The following EPC1 variants were observed in gnomAD, a reference collection of about 807,000 sequenced individuals.
EPC1 encodes enhancer of polycomb homolog 1.
EPC1 carries 12 observed loss-of-function variants against 98.4 expected under a neutral mutation model. The observed-to-expected ratio is 0.12, with a 90% confidence interval of 0.08 to 0.20. The LOEUF is 0.20. EPC1 is among the 10% of genes least tolerant of loss of function. The pLI, the probability that EPC1 is intolerant of heterozygous loss-of-function variation, is 1.00. For missense variants in EPC1, 729 were observed against 990.5 expected (o/e 0.74, Z 3.54); for synonymous variants, 357 against 363.9 (o/e 0.98, Z 0.21).
At chr10:32,316,372 A>G (rs1314876848) in intron 1 of EPC1, among the ~76,000 whole-genome samples, 1 of 152,220 alleles carries the variant, frequency 6.6e-6, no homozygotes, top group African/African-American at 2.4e-5. Context: ...GTGAGTAAGA[A>G]TGTTCAAAGA....
intron 1 of EPC1, among the ~76,000 whole-genome samples, chr10:32,317,064 C>G (rs1476114490): frequency 1.3e-5 from 2 of 152,150 alleles, no homozygotes; most frequent in African/African-American, 4.8e-5. Context: ...TAAAATCTTG[C>G]TGAACCCCAG....
chr10:32,358,559 C>T (rs1205541740), intron 1 of EPC1, among the ~76,000 whole-genome samples: 1 of 145,036 alleles, frequency 6.9e-6, no homozygotes, highest in African/African-American at 2.6e-5. Context: ...GTGGGAGGAT[C>T]ACTTGAGCCT....
upstream of EPC1, among the ~76,000 whole-genome samples, chr10:32,350,993 C>G (rs1207138939): frequency 6.6e-6 from 1 of 152,174 alleles, no homozygotes; most frequent in Admixed American, 6.5e-5. Flanking sequence ...TTTATTCAGT[C>G]CATCCTTTAT....
chr10:32,291,968 T>C (rs1834876895), intron 5 of EPC1: 2 of 152,188 alleles, frequency 1.3e-5, no homozygotes, highest in Non-Finnish European at 2.9e-5. Flanking sequence ...TAAGGATCTT[T>C]CTGCTAATTA....
intron 1 of EPC1, among the ~76,000 whole-genome samples, chr10:32,318,435 C>T (rs1322362247): frequency 1.3e-5 from 2 of 152,150 alleles, no homozygotes; most frequent in East Asian, 3.8e-4. Context: ...TATATACGCA[C>T]CCTTGCAATT....
chr10:32,295,045 A>C (rs1396870711), intron 2 of EPC1, among the ~76,000 whole-genome samples: 1 of 152,148 alleles, frequency 6.6e-6, no homozygotes. Flanking sequence ...TCCCCACCCA[A>C]GAAGTGGTTC....
intron 1 of EPC1, among the ~76,000 whole-genome samples, chr10:32,316,555 A>C (rs2132877621): frequency 6.6e-6 from 1 of 152,346 alleles, no homozygotes; most frequent in South Asian, 2.1e-4. Flanking sequence ...TAGGGAGTAA[A>C]AATAGCTTCG....
chr10:32,270,872 TGG>T (rs901386459), intron 13 of EPC1, among the ~76,000 whole-genome samples: 1 of 142,040 alleles, frequency 7.0e-6, no homozygotes, highest in Non-Finnish European at 1.5e-5. Context: ...ATACCAGTGA[TGG>T]GGCAGGGGTT....
chr10:32,324,886 G>C (rs1837178649), intron 1 of EPC1, among the ~76,000 whole-genome samples: 1 of 152,060 alleles, frequency 6.6e-6, no homozygotes, highest in Non-Finnish European at 1.5e-5. Flanking sequence ...CCAGCCACTT[G>C]CGAGGCTGAG....
intron 1 of EPC1, among the ~76,000 whole-genome samples, chr10:32,321,189 G>A (rs1836889176): frequency 6.6e-6 from 1 of 152,018 alleles, no homozygotes; most frequent in South Asian, 2.1e-4. Flanking sequence ...AATTATATTG[G>A]AACATAGCCA....
chr10:32,341,938 C>G (rs1592619742), intron 1 of EPC1, among the ~76,000 whole-genome samples: 1 of 152,288 alleles, frequency 6.6e-6, no homozygotes, highest in Middle Eastern at 3.4e-3. Context: ...AAAATATATT[C>G]TAACATTTTA....
At chr10:32,358,957 G>C (rs774469047) in intron 1 of EPC1, among the ~76,000 whole-genome samples, 8 of 152,168 alleles carry the variant, frequency 5.3e-5, no homozygotes, top group Non-Finnish European at 8.8e-5. Flanking sequence ...TCCTCTTTAA[G>C]ATAGGTAGAG....
intron 1 of EPC1, among the ~76,000 whole-genome samples, chr10:32,311,340 G>A (rs1480403019): frequency 6.6e-6 from 1 of 151,580 alleles, no homozygotes; most frequent in Non-Finnish European, 1.5e-5. Context: ...AAAAGAACAA[G>A]AGAAAATACT....
chr10:32,352,869 T>C (rs537770669), intron 1 of EPC1, among the ~76,000 whole-genome samples: 1 of 152,076 alleles, frequency 6.6e-6, no homozygotes, highest in Non-Finnish European at 1.5e-5. Flanking sequence ...CCCTAGTATC[T>C]ATCTGGCCAG....
chr10:32,293,079 G>A lies in EPC1; in HGVS notation c.575C>T (p.Pro192Leu), dbSNP rs147035307. The change falls in exon 4 of 14, where the codon CCA becomes CTA. Residue 192 changes from proline to leucine, a missense_variant. By Grantham distance (98) the Pro-to-Leu change is moderately conservative. This residue lies in a region of EPC1 where 94 missense variants were observed against 125.1 expected (regional missense o/e 0.75). Coordinates refer to ENST00000319778, the MANE Select transcript of EPC1 (RefSeq NM_001272004.3). The part of the protein sequence containing the change: ...RKNCRGPSLI[P>L]SVKQEKRDGS... ...ATCTCGCTTCTCTTGTTTTACTGAT[G>A]GAATAAGAGATGGCCCTCGACAGTT... The A allele has an allele frequency of 1.2e-6, 2 of 1,612,980 alleles. No homozygotes were observed. The highest frequency in any genetic ancestry group is 1.3e-5 in the African/African-American group (1 of 74,944).
chr10:32,292,341 A>G, intron 5 of EPC1, 155 bp downstream of exon 5: 1 of 499,232 alleles, frequency 2.0e-6, no homozygotes, highest in Non-Finnish European at 3.3e-6. Flanking sequence ...GAAAACATGT[A>G]AAAGTATAAA....
At chr10:32,346,580 G>A (rs1838833308) in intron 1 of EPC1, 183 bp downstream of exon 1, 3 of 637,484 alleles carry the variant, frequency 4.7e-6, no homozygotes, top group Non-Finnish European at 8.0e-6. Flanking sequence ...AAGGGGCCCC[G>A]CTGGGCCGCG....
In EPC1 at chr10:32,293,637, T is replaced by C. The variant is rs574502907; in HGVS notation, c.414A>G (p.Gln138=). Residue 138 remains glutamine (Q), a synonymous_variant, in exon 3 of 14, where the codon CAA becomes CAG. Coordinates refer to ENST00000319778, the MANE Select transcript of EPC1 (RefSeq NM_001272004.3). Reference sequence around the variant, plus strand: ...CTAGGCGGTCAATCATCTCCTCAAATTGCAATGGGCAGATGTCCATTTTCT... The same window carrying C: ...CTAGGCGGTCAATCATCTCCTCAAACTGCAATGGGCAGATGTCCATTTTCT... The part of the protein sequence containing the change: ...LKKKMDICPL[Q]FEEMIDRLEK... 5.0e-6 allele frequency: 8 copies of C among 1,613,784 alleles called. No individual in the cohort carries two copies. The African/African-American group carries it at 5.3e-5, about 11-fold the overall frequency.
chr10:32,275,533 G>A (rs1373552431), intron 10 of EPC1, among the ~76,000 whole-genome samples: 1 of 151,964 alleles, frequency 6.6e-6, no homozygotes, highest in South Asian at 2.1e-4. Context: ...CTGGGAGGCC[G>A]AGGTGGGCAG....
Sources: allele counts gnomAD v4.1 joint callset (sites outside exome capture counted in the v4.1 genomes callset), GRCh38; gene constraint gnomAD v4.1.1; regional missense constraint gnomAD v4.1.1; transcripts MANE v1.5; gene names NCBI Gene and HGNC (gene_info 2026-07-23, HGNC 2026-07-21).